PHF24: variants seen among roughly 807,000 people sequenced by gnomAD.
PHF24 encodes the protein Galpha inhibitory interacting protein.
A neutral mutation model predicts 42.6 loss-of-function variants in PHF24; 25 were observed. The ratio of observed to expected loss-of-function variants is 0.59; its 90% CI spans 0.43 to 0.82. The LOEUF (loss-of-function observed/expected upper bound fraction) is 0.82, where lower values mean the gene tolerates loss of function less well. Ranked by LOEUF, PHF24 falls within the 40% of genes least tolerant of loss-of-function variation. PHF24 has a pLI of 0.00. For missense variants in PHF24, 470 were observed against 538.1 expected (o/e 0.87, Z 1.25); for synonymous variants, 185 against 204.8 (o/e 0.90, Z 0.83).
the PHF24 span, among the ~76,000 whole-genome samples, chr9:34,799,575 A>G: frequency 2.0e-5 from 3 of 152,136 alleles, no homozygotes; most frequent in African/African-American, 7.2e-5. Flanking sequence ...GTCCAGACCA[A>G]TTGACACTTT....
the PHF24 span, among the ~76,000 whole-genome samples, chr9:34,803,221 A>G: frequency 6.6e-6 from 1 of 152,168 alleles, no homozygotes; most frequent in African/African-American, 2.4e-5. Context: ...GCATCATCTC[A>G]GGTGGATGTC....
chr9:34,870,229 TC>T, the PHF24 span, among the ~76,000 whole-genome samples: 1 of 152,106 alleles, frequency 6.6e-6, no homozygotes, highest in Non-Finnish European at 1.5e-5. Flanking sequence ...TCACCCAAAG[TC>T]CATCATTTAC....
At chr9:34,681,938 T>C in the PHF24 span, among the ~76,000 whole-genome samples, 1 of 152,312 alleles carries the variant, frequency 6.6e-6, no homozygotes, top group African/African-American at 2.4e-5. Context: ...GGCTGGCTGG[T>C]TGCAAGCCAC....
intron 1 of PHF24, among the ~76,000 whole-genome samples, chr9:34,968,276 A>T (rs765596280): frequency 6.6e-6 from 1 of 152,238 alleles, no homozygotes; most frequent in Admixed American, 6.5e-5. Context: ...TGAAAAAAAG[A>T]TTTCTTAATC....
chr9:34,744,894 C>T, the PHF24 span, among the ~76,000 whole-genome samples: 1 of 152,110 alleles, frequency 6.6e-6, no homozygotes, highest in African/African-American at 2.4e-5. Context: ...AATCCAGGTC[C>T]ATGACATACT....
chr9:34,884,511 A>G, the PHF24 span, among the ~76,000 whole-genome samples: 1 of 152,190 alleles, frequency 6.6e-6, no homozygotes, highest in Non-Finnish European at 1.5e-5. Context: ...TAGGGTGATG[A>G]TAGGAAGGTT....
At chr9:34,778,179 C>G in the PHF24 span, among the ~76,000 whole-genome samples, 1 of 152,254 alleles carries the variant, frequency 6.6e-6, no homozygotes, top group African/African-American at 2.4e-5. Context: ...TGTGAAATGT[C>G]TCTCATCAGC....
At chr9:34,707,781 G>A in the PHF24 span, among the ~76,000 whole-genome samples, 19 of 151,964 alleles carry the variant, frequency 1.3e-4, no homozygotes, top group African/African-American at 4.6e-4. Context: ...AGACTGGAGT[G>A]CAATGGCACA....
At chr9:34,864,828 A>G in the PHF24 span, among the ~76,000 whole-genome samples, 2 of 152,210 alleles carry the variant, frequency 1.3e-5, no homozygotes, top group Non-Finnish European at 2.9e-5. Context: ...AGTAACTACA[A>G]CTTTTCAAAA....
chr9:34,912,112 G>A, the PHF24 span, among the ~76,000 whole-genome samples: 1 of 152,126 alleles, frequency 6.6e-6, no homozygotes, highest in Non-Finnish European at 1.5e-5. Flanking sequence ...CCCAAGACCA[G>A]CCCTGGTCAT....
the PHF24 span, among the ~76,000 whole-genome samples, chr9:34,781,960 G>A: frequency 5.3e-5 from 8 of 152,326 alleles, no homozygotes; most frequent in Admixed American, 4.6e-4. Context: ...GTCCCCACAT[G>A]GGAGAGAAGA....
chr9:34,942,040 A>G, the PHF24 span, among the ~76,000 whole-genome samples: 1 of 152,226 alleles, frequency 6.6e-6, no homozygotes, highest in Non-Finnish European at 1.5e-5. Context: ...ATTCAGAAGC[A>G]GCAGTAGCCA....
chr9:34,904,686 T>G, the PHF24 span, among the ~76,000 whole-genome samples: 2 of 150,836 alleles, frequency 1.3e-5, no homozygotes, highest in Non-Finnish European at 2.9e-5. Flanking sequence ...TGTAGTTTTC[T>G]TTTTTGGTTA....
the PHF24 span, among the ~76,000 whole-genome samples, chr9:34,793,782 T>C: frequency 6.6e-6 from 1 of 150,510 alleles, no homozygotes; most frequent in African/African-American, 2.4e-5. Flanking sequence ...CTGTTTCTTT[T>C]TTTTTTTTTT....
exon 8 of PHF24, chr9:34,982,293 G>A (rs1827421520): frequency 6.6e-6 from 1 of 152,224 alleles, no homozygotes; most frequent in East Asian, 1.9e-4. Flanking sequence ...ACCCAAGTTT[G>A]TGAGAGGGAC....
At chr9:34,740,054 T>C in the PHF24 span, among the ~76,000 whole-genome samples, 1 of 152,220 alleles carries the variant, frequency 6.6e-6, no homozygotes, top group Non-Finnish European at 1.5e-5. Flanking sequence ...AGGGTGCTGA[T>C]TGGTGTGTTT....
At chr9:34,727,958 C>G in the PHF24 span, 1 of 1,486,372 alleles carries the variant, frequency 6.7e-7, no homozygotes, top group Non-Finnish European at 9.1e-7. Flanking sequence ...CTGCCCCAGG[C>G]CAAGCCAAGA....
the PHF24 span, among the ~76,000 whole-genome samples, chr9:34,831,555 C>G: frequency 6.6e-6 from 1 of 152,148 alleles, no homozygotes; most frequent in African/African-American, 2.4e-5. Flanking sequence ...GCTCAGTGAT[C>G]CCTCCCAAAG....
the PHF24 span, among the ~76,000 whole-genome samples, chr9:34,845,612 A>G: frequency 6.6e-6 from 1 of 151,872 alleles, no homozygotes; most frequent in Non-Finnish European, 1.5e-5. Flanking sequence ...TTTTCTTATT[A>G]TTATACTTTA....
Sources: gnomAD v4.1 joint callset for allele counts (sites outside exome capture counted in the v4.1 genomes callset) on GRCh38, gnomAD v4.1.1 for gene constraint, MANE v1.5 for transcripts, NCBI Gene and HGNC (gene_info 2026-07-23, HGNC 2026-07-21) for gene names.